The following RAP1GAP variants were observed in gnomAD, a reference collection of about 807,000 sequenced individuals.
The protein encoded by RAP1GAP is RAP1 GTPase activating protein.
In RAP1GAP, 35 loss-of-function variants were observed where a neutral mutation model predicts 87.2. That is an observed-to-expected ratio of 0.40 (90% CI 0.31 to 0.53). The LOEUF (loss-of-function observed/expected upper bound fraction) is 0.53, where lower values mean the gene tolerates loss of function less well. Among genes scored for constraint, RAP1GAP ranks in the 20% least tolerant of loss-of-function variants. RAP1GAP has a pLI of 0.48. For missense variants in RAP1GAP, 734 were observed against 898.9 expected (o/e 0.82, Z 2.35); for synonymous variants, 375 against 363.9 (o/e 1.03, Z -0.35).
At position 21,597,991 on chromosome 1, in the gene RAP1GAP, C is replaced by G. The variant is rs575756586; in HGVS notation, c.1953G>C (p.Leu651=). 1.4e-5 allele frequency: 22 copies of G among 1,578,998 alleles called. No individual in the cohort carries two copies. The South Asian group carries it at 2.4e-4, about 17-fold the overall frequency. The change falls in exon 23 of 25, where the codon CTG becomes CTC. Residue 651 remains leucine, a synonymous_variant. Coordinates refer to ENST00000374765, the MANE Select transcript of RAP1GAP (RefSeq NM_002885.4). ...DPACPEIKIQ[L]EASEQHMPQL... is the part of the protein sequence containing the mutation. ...GGGGCATGTGCTGCTCAGATGCTTC[C>G]AGCTGGATCTTGATCTCGGGACACG...
Position 21,602,872 on chromosome 1 carries a change from C to G in RAP1GAP, c.1470G>C (p.Ser490=). The G allele has an allele frequency of 6.2e-7, 1 of 1,610,008 alleles. No homozygotes were observed. The highest frequency in any genetic ancestry group is 8.5e-7 in the Non-Finnish European group (1 of 1,179,642). Residue 490 remains serine (S), a synonymous_variant, in exon 19 of 25, where the codon TCG becomes TCC. Transcript: ENST00000374765. ...TGCTGCGGCGGGAGCCGAACGGGCCCGACTTCTTCCTCGTGGGGCTCTTCC... is the reference window on the plus strand; with the variant it reads ...TGCTGCGGCGGGAGCCGAACGGGCCGGACTTCTTCCTCGTGGGGCTCTTCC... ...VPGKSPTRKK[S]GPFGSRRSSA...
At chr1:21,645,060 C>A in intron 2 of RAP1GAP, among the ~76,000 whole-genome samples, 1 of 152,156 alleles carries the variant, frequency 6.6e-6, no homozygotes, top group Non-Finnish European at 1.5e-5. Context: ...CTGCCCAAAC[C>A]AAGCTCTCTG....
chr1:21,654,018 G>C (rs1439145460), intron 1 of RAP1GAP, among the ~76,000 whole-genome samples: 1 of 146,308 alleles, frequency 6.8e-6, no homozygotes, highest in Admixed American at 7.1e-5. Flanking sequence ...TCCCACCGAA[G>C]ACAAAGAGCC....
Position 21,613,768 on chromosome 1 carries a change from C to A in RAP1GAP, c.396-62G>T. ...GCAGGACAGGAAAATGGGAACCCCACCCCCCACAAAGTAAGGCCAGAAGGG... is the reference window on the plus strand; with the variant it reads ...GCAGGACAGGAAAATGGGAACCCCAACCCCCACAAAGTAAGGCCAGAAGGG... On this transcript the variant is annotated intron_variant, in intron 8 of 24. Coordinates refer to ENST00000374765, the MANE Select transcript of RAP1GAP (RefSeq NM_002885.4). The surrounding 1 kb of genome is among the most constrained non-coding windows in gnomAD (Gnocchi z 4.7). 1.1e-5 allele frequency: 17 copies of A among 1,486,566 alleles called. No homozygotes were observed. Among genetic ancestry groups the A allele is most frequent in the Admixed American group, 1.7e-5 (1 of 59,766 alleles). 92.1% of individuals were successfully genotyped at this position (1,486,566 alleles called of 1,614,324 possible).
chr1:21,622,541 G>GCGC lies in RAP1GAP; in HGVS notation c.-18-2494_-18-2492dup, dbSNP rs1382687154. The GCGC allele has an allele frequency of 6.8e-6, 1 of 147,832 alleles. No homozygotes were observed. Among genetic ancestry groups the GCGC allele is most frequent in the Non-Finnish European group, 1.5e-5 (1 of 66,924 alleles). The allele number at this position is 147,832 out of a possible 1,614,324, so 9.2% of individuals were successfully genotyped here. On this transcript the variant is annotated intron_variant, in intron 3 of 24. Transcript: ENST00000374765. This position sits in a 1 kb window ranked among gnomAD's most constrained non-coding sequence, Gnocchi z 5.7. ...TCCGCGCTCCCGGCTCCCGGCGGCG[G>GCGC]CGCTGCCTGCGATGGGCTCGCCCCA...
At chr1:21,625,735 T>C (rs1355192464) in intron 3 of RAP1GAP, among the ~76,000 whole-genome samples, 3 of 152,252 alleles carry the variant, frequency 2.0e-5, no homozygotes, top group Non-Finnish European at 4.4e-5. Context: ...AGTTATCTAT[T>C]GCTTTACTGG....
chr1:21,606,521 T>C (rs1033051310), intron 17 of RAP1GAP, among the ~76,000 whole-genome samples: 2 of 152,228 alleles, frequency 1.3e-5, no homozygotes, highest in Non-Finnish European at 2.9e-5. Flanking sequence ...TGCTCTGTGC[T>C]GAGTGTCCTC....
intron 2 of RAP1GAP, among the ~76,000 whole-genome samples, chr1:21,640,759 A>T (rs2095444281): frequency 6.6e-6 from 1 of 152,166 alleles, no homozygotes; most frequent in Admixed American, 6.5e-5. Flanking sequence ...TCTGCCCTGC[A>T]GTGAGCTCCA....
At chr1:21,605,486 C>T (rs560268364) in intron 18 of RAP1GAP, among the ~76,000 whole-genome samples, 1 of 152,268 alleles carries the variant, frequency 6.6e-6, no homozygotes, top group Admixed American at 6.5e-5. Flanking sequence ...ACACAGCAGC[C>T]CAGGGCTGCG....
rs114945869 is a variant in RAP1GAP, at chr1:21,614,108, G to A, written c.292-19C>T. ...AATGCTCCTGCAGTGGGAGGTGGGGGCCAGGGGAGTGGGTGAGGCTGAGCA... is the reference window on the plus strand; with the variant it reads ...AATGCTCCTGCAGTGGGAGGTGGGGACCAGGGGAGTGGGTGAGGCTGAGCA... On this transcript the variant is annotated intron_variant, in intron 7 of 24. Transcript: ENST00000374765. 7,138 of 1,536,164 alleles carry A rather than the reference G, an allele frequency of 4.6e-3. 24 individuals carry two copies. The highest frequency in any genetic ancestry group is 5.5e-3 in the Non-Finnish European group (6,179 of 1,117,598).
intron 1 of RAP1GAP, among the ~76,000 whole-genome samples, chr1:21,667,380 G>A (rs988706306): frequency 6.6e-6 from 1 of 152,214 alleles, no homozygotes; most frequent in Non-Finnish European, 1.5e-5. Context: ...TTAGAGCCAG[G>A]AGAGGGGCCT....
chr1:21,608,426 C>T, intron 16 of RAP1GAP, 76 bp from the exon 17 acceptor site: 7 of 1,545,822 alleles, frequency 4.5e-6, no homozygotes, highest in Middle Eastern at 4.3e-4. Flanking sequence ...TCCTGGCCAC[C>T]TTCTGAGGCA....
chr1:21,626,853 T>C (rs888387429), intron 2 of RAP1GAP: 41 of 456,180 alleles, frequency 9.0e-5, no homozygotes, highest in African/African-American at 1.4e-4. Context: ...CTGACGCTCA[T>C]TGGGCCTACC....
At chr1:21,617,540 C>T (rs768571920) in intron 6 of RAP1GAP, 49 bp from the exon 7 acceptor site, 19 of 1,539,296 alleles carry the variant, frequency 1.2e-5, no homozygotes, top group South Asian at 2.4e-5. Flanking sequence ...CCCCACTGGG[C>T]GCCCCAGGAC....
intron 17 of RAP1GAP, among the ~76,000 whole-genome samples, chr1:21,607,120 G>A (rs1024018157): frequency 7.3e-4 from 111 of 152,280 alleles, no homozygotes; most frequent in African/African-American, 2.6e-3. Context: ...GTGACCAGCC[G>A]GCCGGGAAGC....
chr1:21,663,962 AAC>A (rs138260588), intron 1 of RAP1GAP, among the ~76,000 whole-genome samples: 128 of 152,308 alleles, frequency 8.4e-4, no homozygotes, highest in African/African-American at 3.0e-3. Flanking sequence ...AGGCTCACAC[AAC>A]ACAGTCACCA....
intron 13 of RAP1GAP, 63 bp from the exon 14 acceptor site, chr1:21,610,338 C>A (rs2077450609): frequency 8.2e-6 from 13 of 1,582,758 alleles, no homozygotes; most frequent in Admixed American, 1.7e-5. Context: ...GAGAGGGGTG[C>A]CCACGGGGGT....
chr1:21,618,061 TGA>T, intron 5 of RAP1GAP, 89 bp from the exon 6 acceptor site: 1 of 1,524,932 alleles, frequency 6.6e-7, no homozygotes, highest in Non-Finnish European at 9.1e-7. Context: ...GCCTCAGGGC[TGA>T]GAGTGCGGAT....
At chr1:21,610,473 T>G (rs2077535875) in intron 13 of RAP1GAP, among the ~76,000 whole-genome samples, 198 bp from the exon 14 acceptor site, 1 of 152,310 alleles carries the variant, frequency 6.6e-6, no homozygotes, top group South Asian at 2.1e-4. Flanking sequence ...CAACGTACAC[T>G]CTTTAGGTGA....
Sources: gnomAD v4.1 joint callset for allele counts (sites outside exome capture counted in the v4.1 genomes callset) on GRCh38, gnomAD v4.1.1 for gene constraint, Gnocchi (gnomAD v3.1) non-coding constraint, MANE v1.5 for transcripts, NCBI Gene and HGNC (gene_info 2026-07-23, HGNC 2026-07-21) for gene names.